The following PDXDC1 variants were observed in gnomAD, a reference collection of about 807,000 sequenced individuals.
The protein encoded by PDXDC1 is pyridoxal dependent decarboxylase domain containing 1.
Under a neutral mutation model 100.1 loss-of-function variants are expected in PDXDC1, and 42 were observed. That is an observed-to-expected ratio of 0.42 (90% CI 0.33 to 0.54). The LOEUF is 0.54. Ranked by LOEUF, PDXDC1 falls within the 20% of genes least tolerant of loss-of-function variation. The probability of loss-of-function intolerance (pLI) is 0.10; values close to 1 mark genes in which losing one functional copy is unlikely to be tolerated. For missense variants in PDXDC1, 636 were observed against 979.2 expected (o/e 0.65, Z 4.68); for synonymous variants, 260 against 371.7 (o/e 0.70, Z 3.46).
the PDXDC1 span, among the ~76,000 whole-genome samples, chr16:15,148,133 C>T: frequency 1.9e-4 from 29 of 151,486 alleles, no homozygotes; most frequent in Non-Finnish European, 3.8e-4. Flanking sequence ...GGACTACAGG[C>T]GCCACCACTA....
chr16:14,983,295 G>A (rs372729124), intron 1 of PDXDC1, among the ~76,000 whole-genome samples: 1 of 152,272 alleles, frequency 6.6e-6, no homozygotes. Flanking sequence ...TCTCTTGGCC[G>A]GGTATGGTGG....
At chr16:15,055,702 C>T in intron 16 of PDXDC1, 1 of 374,820 alleles carries the variant, frequency 2.7e-6, no homozygotes, top group Non-Finnish European at 4.7e-6. Context: ...GCCTCCGGGG[C>T]AGCCCGCTGA....
intron 12 of PDXDC1, among the ~76,000 whole-genome samples, chr16:15,020,037 G>A (rs1333416004): frequency 4.0e-5 from 6 of 151,024 alleles, no homozygotes; most frequent in Admixed American, 6.7e-5. Context: ...GTGTGAACCC[G>A]GGAGGCAGAG....
At position 15,008,630 on chromosome 16, in the gene PDXDC1, T is replaced by A. The variant is rs1212797378; in HGVS notation, c.580-149T>A. 9.5e-6 allele frequency: 6 copies of A among 634,570 alleles called. No homozygotes were observed. In the South Asian group the frequency reaches 1.6e-4, roughly 17 times the overall value. The allele number at this position is 634,570 out of a possible 1,614,324, so 39.3% of individuals were successfully genotyped here. A position where few individuals can be genotyped will look rare whatever the true frequency, so the allele number is the denominator to read the frequency against. ...TTTCGGCTTGGCTTTCTAAATGTAC[T>A]TTAACATCAATTTATAATATTAAGA... On this transcript the variant is annotated intron_variant, in intron 6 of 22. Transcript: ENST00000396410.
At chr16:15,006,068 C>G (rs1226229991) in intron 5 of PDXDC1, among the ~76,000 whole-genome samples, 1 of 152,296 alleles carries the variant, frequency 6.6e-6, no homozygotes, top group East Asian at 1.9e-4. Flanking sequence ...CCTGTGTTAT[C>G]CAGTGCTGGC....
intron 16 of PDXDC1, among the ~76,000 whole-genome samples, chr16:15,056,950 G>C (rs1470118096): frequency 1.3e-5 from 2 of 152,168 alleles, no homozygotes; most frequent in East Asian, 3.8e-4. Flanking sequence ...TGACTGCAGA[G>C]CCCCTAATCT....
In PDXDC1 at chr16:15,012,114, T is replaced by C. The variant is rs140237688; in HGVS notation, c.727+2355T>C. 1.4e-3 allele frequency among the ~76,000 whole-genome samples: 220 copies of C among 152,342 alleles called. 5 individuals carry two copies. The East Asian group carries it at 0.035, about 25-fold the overall frequency. On this transcript the variant is annotated intron_variant, in intron 8 of 22. Transcript: ENST00000396410. ...AGGACACAAGCAATACAATTTTTTT[T>C]TTTTTTGGAGATGGAGTCTCATTCT...
chr16:14,995,705 C>T (rs1290489153), intron 1 of PDXDC1, among the ~76,000 whole-genome samples: 3 of 152,290 alleles, frequency 2.0e-5, no homozygotes, highest in Non-Finnish European at 2.9e-5. Context: ...GGAATAGTTT[C>T]AGAAGGAATG....
At chr16:15,092,022 T>TA (rs1328442960) in intron 16 of PDXDC1, among the ~76,000 whole-genome samples, 1 of 149,728 alleles carries the variant, frequency 6.7e-6, no homozygotes, top group African/African-American at 2.4e-5. Flanking sequence ...ACTAAAAAAA[T>TA]AAAAAAATTA....
chr16:15,047,249 T>C (rs2044111075), intron 16 of PDXDC1: 2 of 586,140 alleles, frequency 3.4e-6, no homozygotes, highest in Non-Finnish European at 6.1e-6. Flanking sequence ...ACTCCTTGCC[T>C]GTGCCCAGCA....
intron 16 of PDXDC1, among the ~76,000 whole-genome samples, chr16:15,085,053 G>A (rs575724468): frequency 2.0e-5 from 3 of 151,918 alleles, no homozygotes; most frequent in Admixed American, 6.6e-5. Context: ...GCAACAGAGC[G>A]AGACTCTGTC....
chr16:14,980,507 A>C (rs529243757), intron 1 of PDXDC1, among the ~76,000 whole-genome samples: 1 of 152,196 alleles, frequency 6.6e-6, no homozygotes, highest in Non-Finnish European at 1.5e-5. Flanking sequence ...TTTTTTTGAG[A>C]TGGAGTCTCG....
intron 16 of PDXDC1, chr16:15,127,164 T>C (rs111628025): frequency 2.6e-6 from 1 of 378,990 alleles, no homozygotes; most frequent in Non-Finnish European, 5.1e-6. Context: ...TCTTCTGGAG[T>C]GCATTTCGGA....
chr16:15,110,945 A>G (rs2047024608), intron 16 of PDXDC1: 1 of 747,368 alleles, frequency 1.3e-6, no homozygotes, highest in South Asian at 1.8e-5. Context: ...CCTGGCCAAG[A>G]TGGTGAAACC....
At chr16:15,142,515 G>C (rs2050461504), downstream of PDXDC1, among the ~76,000 whole-genome samples, 1 of 151,930 alleles carries the variant, frequency 6.6e-6, no homozygotes, top group Non-Finnish European at 1.5e-5. Flanking sequence ...CCAGCCCCCA[G>C]GGTGTGGAAG....
intron 16 of PDXDC1, among the ~76,000 whole-genome samples, chr16:15,030,430 C>A: frequency 1.3e-5 from 1 of 78,318 alleles, no homozygotes. Context: ...CCTGCAGTCC[C>A]AGCTACTTGG....
At chr16:15,135,890 A>G (rs2048325971) in intron 16 of PDXDC1, 1 of 1,577,672 alleles carries the variant, frequency 6.3e-7, no homozygotes, top group African/African-American at 1.3e-5. Flanking sequence ...GTAGTGCCCC[A>G]CAGGCAGCGC....
At chr16:15,131,039 C>T (rs761553871) in intron 16 of PDXDC1, 3 of 1,513,614 alleles carry the variant, frequency 2.0e-6, no homozygotes, top group African/African-American at 2.8e-5. Context: ...CGCCTTCCCC[C>T]CAAGAACAAG....
At chr16:15,088,804 C>T (rs2046005864) in intron 16 of PDXDC1, among the ~76,000 whole-genome samples, 1 of 152,084 alleles carries the variant, frequency 6.6e-6, no homozygotes, top group South Asian at 2.1e-4. Context: ...AAAGAAGCAC[C>T]AAATAGACCA....
Sources: gnomAD v4.1 joint callset for allele counts (sites outside exome capture counted in the v4.1 genomes callset) on GRCh38, gnomAD v4.1.1 for gene constraint, MANE v1.5 for transcripts, NCBI Gene and HGNC (gene_info 2026-07-23, HGNC 2026-07-21) for gene names.